The following ZDHHC8 variants were observed in gnomAD, a reference collection of about 807,000 sequenced individuals.
The protein encoded by ZDHHC8 is palmitoyltransferase ZDHHC8.
ZDHHC8 carries 24 observed loss-of-function variants against 61.2 expected under a neutral mutation model. The ratio of observed to expected loss-of-function variants is 0.39; its 90% confidence interval spans 0.28 to 0.55. The LOEUF (loss-of-function observed/expected upper bound fraction) is 0.55, where lower values mean the gene tolerates loss of function less well. Ranked by LOEUF, ZDHHC8 falls within the 20% of genes least tolerant of loss-of-function variation. ZDHHC8 has a pLI of 0.60. For missense variants in ZDHHC8, 935 were observed against 1,102.1 expected (o/e 0.85, Z 2.15); for synonymous variants, 523 against 492.5 (o/e 1.06, Z -0.82).
chr22:20,141,177 C>T, intron 7 of ZDHHC8, 40 bp from the exon 8 acceptor site: 1 of 1,595,864 alleles, frequency 6.3e-7, no homozygotes, highest in South Asian at 1.1e-5. Context: ...CCCTGCCCCT[C>T]ATCCAAGCCC....
Position 20,147,319 on chromosome 22 carries a change from T to C in ZDHHC8, c.*1919T>C. ...ACTGCAGTGGACCCTGGGGCAGGGC[T>C]GGGGGTGGGCTGGGCTCTCTGCTCC... On this transcript the variant is annotated 3_prime_UTR_variant, in exon 11 of 11. Coordinates refer to ENST00000334554, the MANE Select transcript of ZDHHC8 (RefSeq NM_013373.4). 7.7e-7 allele frequency: 1 copy of C among 1,302,924 alleles called. No homozygotes were observed. The highest frequency in any genetic ancestry group is 1.0e-6 in the Non-Finnish European group (1 of 994,804). The allele number at this position is 1,302,924 out of a possible 1,614,324, so 80.7% of individuals were successfully genotyped here.
chr22:20,140,388 C>A, intron 5 of ZDHHC8, 171 bp downstream of exon 5: 1 of 784,426 alleles, frequency 1.3e-6, no homozygotes, highest in African/African-American at 1.7e-5. Flanking sequence ...CCGTCCCCTG[C>A]GCACATCCTG....
In ZDHHC8 at chr22:20,142,920, G is replaced by T. The variant is rs765082073; in HGVS notation, c.1290G>T (p.Leu430Phe). 1 of 1,608,002 alleles carries T rather than the reference G, an allele frequency of 6.2e-7. No individual in the cohort carries two copies. Among genetic ancestry groups the T allele is most frequent in the East Asian group, 2.2e-5 (1 of 44,744 alleles). Residue 430 changes from leucine (L) to phenylalanine (F), a missense_variant, in exon 10 of 11, where the codon TTG becomes TTT. This residue lies in a region of ZDHHC8 where 692 missense variants were observed against 731.4 expected (regional missense o/e 0.95). Coordinates refer to ENST00000334554, the MANE Select transcript of ZDHHC8 (RefSeq NM_013373.4). Reference sequence around the variant, plus strand: ...CCTCTGATGCCTTCTCGGGCGCTTTGCGCTCCCTGAGCCTCAAGGCCTCGA... The same window carrying T: ...CCTCTGATGCCTTCTCGGGCGCTTTTCGCTCCCTGAGCCTCAAGGCCTCGA... Reference protein sequence around the residue: ...LSASDAFSGALRSLSLKASSR... With the variant: ...LSASDAFSGAFRSLSLKASSR...
In ZDHHC8 at chr22:20,141,451, C is replaced by T. The variant is rs756314390; in HGVS notation, c.1046C>T (p.Pro349Leu). The T allele has an allele frequency of 1.1e-5, 17 of 1,613,278 alleles. No individual in the cohort carries two copies. The highest frequency in any genetic ancestry group is 1.3e-5 in the Non-Finnish European group (15 of 1,179,960). Residue 349 changes from proline to leucine, a missense_variant, in exon 9 of 11, where the codon CCC becomes CTC. Coordinates refer to ENST00000334554, the MANE Select transcript of ZDHHC8 (RefSeq NM_013373.4). The stretch of plus-strand genomic sequence containing the variant: ...GCCCTGTCGGTGCAGAGGACCAGCC[C>T]CCCGACACCTGCCATGTACAAGTTT... ...ESALSVQRTS[P>L]PTPAMYKFRP...
intron 1 of ZDHHC8, among the ~76,000 whole-genome samples, chr22:20,134,244 C>T (rs1268139807): frequency 6.6e-6 from 1 of 152,264 alleles, no homozygotes; most frequent in East Asian, 1.9e-4. Context: ...AGAAGCCCTG[C>T]TTGCCCCCTC....
At chr22:20,140,784 C>T (rs560228773) in intron 6 of ZDHHC8, 76 bp downstream of exon 6, 42 of 1,594,082 alleles carry the variant, frequency 2.6e-5, no homozygotes, top group East Asian at 6.7e-5. Context: ...CCTCTTGGTC[C>T]GTTTGGCTCT....
rs559316298 is a variant in ZDHHC8 at position 20,139,436 on chromosome 22, G to T, written c.227-42G>T. On this transcript the variant is annotated intron_variant, in intron 2 of 10. Coordinates refer to ENST00000334554, the MANE Select transcript of ZDHHC8 (RefSeq NM_013373.4). The stretch of plus-strand genomic sequence containing the variant: ...CTTGGGGGAGGGATTCACCTGCCAG[G>T]AAAGTCAACTTCCTGCTCACTGCCT... 2.5e-5 allele frequency: 40 copies of T among 1,608,298 alleles called. No individual in the cohort carries two copies. In the South Asian group the frequency reaches 4.0e-4, roughly 16 times the overall value.
Position 20,142,900 on chromosome 22 carries a change from G to A in ZDHHC8, c.1270G>A (p.Asp424Asn). Residue 424 changes from aspartate (D) to asparagine (N), a missense_variant, in exon 10 of 11, where the codon GAT (aspartate) becomes AAT (asparagine). Asp to Asn is a conservative substitution (Grantham distance 23). Coordinates refer to ENST00000334554, the MANE Select transcript of ZDHHC8 (RefSeq NM_013373.4). Reference protein sequence around the residue: ...YPPSPPLSASDAFSGALRSLS... With the variant: ...YPPSPPLSASNAFSGALRSLS... ...GCCATCCCCACCGCTCAGCGCCTCT[G>A]ATGCCTTCTCGGGCGCTTTGCGCTC... 1.2e-6 allele frequency: 2 copies of A among 1,611,052 alleles called. No individual in the cohort carries two copies. The highest frequency in any genetic ancestry group is 1.7e-6 in the Non-Finnish European group (2 of 1,179,198).
rs1196074096 is a variant in ZDHHC8 at position 20,143,410 on chromosome 22, T to TCCGAGGGCCC, written c.1787_1796dup (p.Ala601ProfsTer52). The TCCGAGGGCCC allele has an allele frequency of 6.3e-7, 1 of 1,591,882 alleles. No individual in the cohort carries two copies. Among genetic ancestry groups the TCCGAGGGCCC allele is most frequent in the Non-Finnish European group, 8.5e-7 (1 of 1,174,094 alleles). On this transcript the variant is annotated frameshift_variant, in exon 10 of 11. Transcript: ENST00000334554. LOFTEE classifies it high-confidence loss of function. Reference sequence around the variant, plus strand: ...CAGCCTGCAGCAGGCCAGTGTGCTGTCCGAGGGCCCCCGAGGTCCCGCGCT... The same window carrying TCCGAGGGCCC: ...CAGCCTGCAGCAGGCCAGTGTGCTGTCCGAGGGCCCCCGAGGGCCCCCGAGGTCCCGCGCT...
rs756777124 is a variant in ZDHHC8 at position 20,142,939 on chromosome 22, G to A, written c.1309G>A (p.Ala437Thr). 6.2e-7 allele frequency: 1 copy of A among 1,602,964 alleles called. No homozygotes were observed. Among genetic ancestry groups the A allele is most frequent in the South Asian group, 1.1e-5 (1 of 90,484 alleles). ...CGCTTTGCGCTCCCTGAGCCTCAAGGCCTCGAGCCGGCGGGGCGGGGATCA... is the reference window on the plus strand; with the variant it reads ...CGCTTTGCGCTCCCTGAGCCTCAAGACCTCGAGCCGGCGGGGCGGGGATCA... ...SGALRSLSLK[A>T]SSRRGGDHVA... The change falls in exon 10 of 11, where the codon GCC (alanine) becomes ACC (threonine). Residue 437 changes from alanine (A) to threonine (T), a missense_variant. Coordinates refer to ENST00000334554, the MANE Select transcript of ZDHHC8 (RefSeq NM_013373.4).
At chr22:20,141,565 G>T in intron 9 of ZDHHC8, 35 bp downstream of exon 9, 1 of 1,550,998 alleles carries the variant, frequency 6.4e-7, no homozygotes, top group Non-Finnish European at 8.7e-7. Flanking sequence ...GGCAGGCCTC[G>T]TCCCCCAGGC....
At position 20,135,417 on chromosome 22, in the gene ZDHHC8, T is replaced by C. The variant is rs545810223; in HGVS notation, c.104+3366T>C. On this transcript the variant is annotated intron_variant, in intron 1 of 10. Coordinates refer to ENST00000334554, the MANE Select transcript of ZDHHC8 (RefSeq NM_013373.4). ...CCACATTGCAGAATGACAGGGACCC[T>C]GTGAATGTCCGAGGGCTGGGGCTGC... 7.9e-5 allele frequency among the ~76,000 whole-genome samples: 12 copies of C among 152,328 alleles called. No homozygotes were observed. The South Asian group carries it at 2.5e-3, about 32-fold the overall frequency.
In ZDHHC8 at chr22:20,146,885, G is replaced by T; in HGVS notation, c.*1485G>T. On this transcript the variant is annotated 3_prime_UTR_variant, in exon 11 of 11. Coordinates refer to ENST00000334554, the MANE Select transcript of ZDHHC8 (RefSeq NM_013373.4). ...ATGCCAGGGGCAGGGCTGAGGGAGTGTGAGGGATGCACAGCTGTTCAGGGC... is the reference window on the plus strand; with the variant it reads ...ATGCCAGGGGCAGGGCTGAGGGAGTTTGAGGGATGCACAGCTGTTCAGGGC... 1 of 1,290,946 alleles carries T rather than the reference G, an allele frequency of 7.7e-7. No individual in the cohort carries two copies. The highest frequency in any genetic ancestry group is 9.8e-7 in the Non-Finnish European group (1 of 1,021,042). 80.0% of individuals were successfully genotyped at this position (1,290,946 alleles called of 1,614,324 possible). A position where few individuals can be genotyped will look rare whatever the true frequency, so the allele number is the denominator to read the frequency against.
At chr22:20,139,942 A>G in intron 4 of ZDHHC8, 50 bp downstream of exon 4, 1 of 1,599,354 alleles carries the variant, frequency 6.3e-7, no homozygotes, top group Non-Finnish European at 8.5e-7. Context: ...TGGACCGGGG[A>G]CACGTTCACC....
rs972592714 is a variant in ZDHHC8 at position 20,147,160 on chromosome 22, C to A, written c.*1760C>A. 1.3e-6 allele frequency: 2 copies of A among 1,531,668 alleles called. No homozygotes were observed. Among genetic ancestry groups the A allele is most frequent in the African/African-American group, 1.4e-5 (1 of 71,636 alleles). 94.9% of individuals were successfully genotyped at this position (1,531,668 alleles called of 1,614,324 possible). On this transcript the variant is annotated 3_prime_UTR_variant, in exon 11 of 11. Transcript: ENST00000334554. ...CCCCTGGAGCCAGGCCGCCGGGGCACCCCCACGCGGGGCCATGTGCCGCCT... is the reference window on the plus strand; with the variant it reads ...CCCCTGGAGCCAGGCCGCCGGGGCAACCCCACGCGGGGCCATGTGCCGCCT...
chr22:20,139,453 T>G (rs745496054), intron 2 of ZDHHC8, 25 bp from the exon 3 acceptor site: 1 of 1,610,390 alleles, frequency 6.2e-7, no homozygotes, highest in African/African-American at 1.3e-5. Flanking sequence ...AACTTCCTGC[T>G]CACTGCCTGG....
Position 20,147,134 on chromosome 22 carries a change from C to T in ZDHHC8, c.*1734C>T, listed in dbSNP as rs1306495094. 1.2e-5 allele frequency: 19 copies of T among 1,532,358 alleles called. No individual in the cohort carries two copies. The African/African-American group carries it at 2.1e-4, about 17-fold the overall frequency. The allele number at this position is 1,532,358 out of a possible 1,614,324, so 94.9% of individuals were successfully genotyped here. On this transcript the variant is annotated 3_prime_UTR_variant, in exon 11 of 11. Coordinates refer to ENST00000334554, the MANE Select transcript of ZDHHC8 (RefSeq NM_013373.4). Reference sequence around the variant, plus strand: ...CCGGAGGACCGCCCACCACTGCGGGCCCCCTGGAGCCAGGCCGCCGGGGCA... The same window carrying T: ...CCGGAGGACCGCCCACCACTGCGGGTCCCCTGGAGCCAGGCCGCCGGGGCA...
intron 1 of ZDHHC8, among the ~76,000 whole-genome samples, chr22:20,137,677 C>T (rs117746982): frequency 0.042 from 6,420 of 152,362 alleles, 181 homozygotes; most frequent in South Asian, 0.095. Flanking sequence ...CAGGCCCTGC[C>T]TCTCCCTGGG....
chr22:20,138,388 G>A (rs924446848), intron 1 of ZDHHC8, among the ~76,000 whole-genome samples: 4 of 152,256 alleles, frequency 2.6e-5, no homozygotes, highest in Admixed American at 6.5e-5. Flanking sequence ...GCTGCAGGCC[G>A]TGTGGCCCGA....
Sources: gnomAD v4.1 joint callset for allele counts (sites outside exome capture counted in the v4.1 genomes callset) on GRCh38, gnomAD v4.1.1 for gene constraint, gnomAD v4.1.1 regional missense constraint, MANE v1.5 for transcripts, NCBI Gene and HGNC (gene_info 2026-07-23, HGNC 2026-07-21) for gene names.